Variants in GRB10 observed in about 807,000 individuals in gnomAD.
GRB10 encodes the protein growth factor receptor-bound protein 10.
In GRB10, 20 loss-of-function variants were observed where a neutral mutation model predicts 80.9. That is an observed-to-expected ratio of 0.25 (90% CI 0.17 to 0.36). The LOEUF is 0.36. GRB10 is among the 10% of genes least tolerant of loss of function. The pLI, the probability that GRB10 is intolerant of heterozygous loss-of-function variation, is 1.00. For synonymous variants in GRB10, 291 were observed against 291.5 expected (o/e 1.00, Z 0.02); for missense variants, 548 against 747.7 (o/e 0.73, Z 3.12).
intron 18 of GRB10, among the ~76,000 whole-genome samples, chr7:50,593,763 T>C (rs62447499): frequency 0.18 from 27,735 of 152,150 alleles, 2,652 homozygotes; most frequent in Non-Finnish European, 0.2. Flanking sequence ...GTCGTGTTGT[T>C]CACAGGGAAT....
At chr7:50,681,704 G>A (rs2061555455) in intron 5 of GRB10, among the ~76,000 whole-genome samples, 1 of 152,224 alleles carries the variant, frequency 6.6e-6, no homozygotes, top group Admixed American at 6.5e-5. Flanking sequence ...GTGTATTTGA[G>A]TTTATGGGGC....
intron 7 of GRB10, among the ~76,000 whole-genome samples, chr7:50,653,786 G>C (rs1563306029): frequency 6.6e-6 from 1 of 152,146 alleles, no homozygotes; most frequent in Non-Finnish European, 1.5e-5. Flanking sequence ...CCATCCCCCA[G>C]GTGGCTACAT....
intron 7 of GRB10, among the ~76,000 whole-genome samples, chr7:50,641,586 T>C (rs1045589014): frequency 1.3e-5 from 2 of 152,208 alleles, no homozygotes; most frequent in Admixed American, 1.3e-4. Flanking sequence ...GTAAGGACAA[T>C]GACAGCAGCT....
At chr7:50,648,903 T>C (rs1214105221) in intron 7 of GRB10, among the ~76,000 whole-genome samples, 1 of 152,148 alleles carries the variant, frequency 6.6e-6, no homozygotes, top group Non-Finnish European at 1.5e-5. Flanking sequence ...ACCTACTCAA[T>C]GTGGTCGGGC....
chr7:50,645,436 T>C (rs1431945893), intron 7 of GRB10: 3 of 193,066 alleles, frequency 1.6e-5, no homozygotes, highest in Non-Finnish European at 2.8e-5. Flanking sequence ...ATCTGGGGAG[T>C]ATGTCTGCTG....
In GRB10 at chr7:50,742,265, GCGCGCGCACACACACACACA is replaced by G. The variant is rs1563675592; in HGVS notation, c.-46-9917_-46-9898del. Among the ~76,000 whole-genome samples the G allele has an allele frequency of 1.9e-3, 260 of 138,862 alleles. 4 individuals are homozygous for G. Among genetic ancestry groups the G allele is most frequent in the Middle Eastern group, 0.011 (3 of 282 alleles). 91.1% of individuals were successfully genotyped at this position (138,862 alleles called of 152,430 possible). A position where few individuals can be genotyped will look rare whatever the true frequency, so the allele number is the denominator to read the frequency against. On this transcript the variant is annotated intron_variant, in intron 3 of 18. Transcript: ENST00000401949. ...TCTATGTGTAAACACACGCGCACGCGCGCGCGCACACACACACACACACACACACACACACACACACACAC... is the reference window on the plus strand; with the variant it reads ...TCTATGTGTAAACACACGCGCACGCGCACACACACACACACACACACACAC...
chr7:50,612,972 T>TAC, intron 12 of GRB10, 133 bp from the exon 13 acceptor site: 1 of 711,794 alleles, frequency 1.4e-6, no homozygotes. Context: ...GCACAGCAGA[T>TAC]ACACACACAC....
rs2064610105 is a variant in GRB10 at position 50,703,855 on chromosome 7, G to A, written c.105C>T (p.Leu35=). Residue 35 remains leucine (L), a synonymous_variant, in exon 5 of 19, where the codon CTC becomes CTT. Transcript: ENST00000401949. ...TCGCAAGTCGGTCAGACTGTGCGGG[G>A]AGTCCTGGTCCTGCCGGGTCTTGTT... The part of the protein sequence containing the change: ...RSQQDPAGPG[L]PAQSDRLANH... The A allele has an allele frequency of 1.2e-6, 2 of 1,613,534 alleles. No individual in the cohort carries two copies. Among genetic ancestry groups the A allele is most frequent in the Non-Finnish European group, 8.5e-7 (1 of 1,179,626 alleles).
intron 2 of GRB10, among the ~76,000 whole-genome samples, chr7:50,758,925 C>G (rs1225764926): frequency 6.6e-6 from 1 of 152,182 alleles, no homozygotes; most frequent in East Asian, 1.9e-4. Context: ...TGGCTCACAC[C>G]TGTAAACCCA....
At chr7:50,663,683 T>C (rs1029093756) in intron 7 of GRB10, among the ~76,000 whole-genome samples, 1 of 152,234 alleles carries the variant, frequency 6.6e-6, no homozygotes, top group African/African-American at 2.4e-5. Flanking sequence ...ATCCTCTTGG[T>C]GATACTTTTG....
chr7:50,614,196 G>T (rs1415588338), intron 12 of GRB10, among the ~76,000 whole-genome samples: 2 of 152,212 alleles, frequency 1.3e-5, no homozygotes, highest in African/African-American at 4.8e-5. Flanking sequence ...ATGCACAAAG[G>T]TGTATGTCTA....
intron 12 of GRB10, 24 bp from the exon 13 acceptor site, chr7:50,612,863 T>C (rs2049829530): frequency 1.3e-6 from 2 of 1,514,672 alleles, no homozygotes; most frequent in Non-Finnish European, 1.8e-6. Context: ...AAGAAAGTCC[T>C]GTTAGTGTTA....
chr7:50,704,144 C>T (rs2064677824), intron 4 of GRB10, among the ~76,000 whole-genome samples: 1 of 152,164 alleles, frequency 6.6e-6, no homozygotes, highest in African/African-American at 2.4e-5. Flanking sequence ...TGTGTTTGGG[C>T]TTAAATAGCT....
intron 2 of GRB10, among the ~76,000 whole-genome samples, chr7:50,761,293 G>A (rs879268801): frequency 7.9e-5 from 12 of 152,148 alleles, no homozygotes; most frequent in Admixed American, 2.6e-4. Flanking sequence ...TACAATAATT[G>A]TAAAGTTTCT....
chr7:50,674,349 CCAA>C lies in GRB10; in HGVS notation c.362+84_362+86del. ...CTTTGCAAGACCAACACTATTCCCC[CCAA>C]CACCATTTAACTCACAGAGAGCAGT... On this transcript the variant is annotated intron_variant, in intron 6 of 18. Coordinates refer to ENST00000401949, the MANE Select transcript of GRB10 (RefSeq NM_001350814.2). 6 of 1,311,042 alleles carry C rather than the reference CCAA, an allele frequency of 4.6e-6. No individual in the cohort carries two copies. The South Asian group carries it at 6.1e-5, about 13-fold the overall frequency. The allele number at this position is 1,311,042 out of a possible 1,614,324, so 81.2% of individuals were successfully genotyped here.
At chr7:50,716,839 T>A (rs964258883) in intron 4 of GRB10, among the ~76,000 whole-genome samples, 1 of 151,888 alleles carries the variant, frequency 6.6e-6, no homozygotes, top group Non-Finnish European at 1.5e-5. Flanking sequence ...TATGAAGACA[T>A]AGTAATAGAA....
chr7:50,593,081 C>T lies in GRB10; in HGVS notation c.1656G>A (p.Gln552=). ...FQILPCEDDG[Q]TFFSLDDGNT... ...TCCCGTCATCTAGGCTGAAGAACGT[C>T]TGCCCGTCGTCCTCGCACTGGAGAG... is the stretch of plus-strand genomic sequence containing the variant. The change falls in exon 19 of 19, where the codon CAG becomes CAA. Residue 552 remains glutamine (Q), a synonymous_variant. Transcript: ENST00000401949. 1 of 1,614,198 alleles carries T rather than the reference C, an allele frequency of 6.2e-7. No individual in the cohort carries two copies. The highest frequency in any genetic ancestry group is 8.5e-7 in the Non-Finnish European group (1 of 1,180,042).
intron 4 of GRB10, among the ~76,000 whole-genome samples, chr7:50,711,841 G>A (rs567001369): frequency 1.4e-3 from 207 of 152,250 alleles, no homozygotes; most frequent in African/African-American, 4.3e-3. Flanking sequence ...TACCAGGTAC[G>A]GTGCTAGACA....
intron 7 of GRB10, among the ~76,000 whole-genome samples, chr7:50,630,976 G>A (rs1051683895): frequency 6.6e-6 from 1 of 152,162 alleles, no homozygotes; most frequent in Non-Finnish European, 1.5e-5. Flanking sequence ...AAAGGAAGAA[G>A]TTTAAGAACA....
Sources: gnomAD v4.1 joint callset for allele counts (sites outside exome capture counted in the v4.1 genomes callset) on GRCh38, gnomAD v4.1.1 for gene constraint, MANE v1.5 for transcripts, NCBI Gene and HGNC (gene_info 2026-07-23, HGNC 2026-07-21) for gene names.